Variants in DNAJC1 observed in about 807,000 individuals in gnomAD.
The protein encoded by DNAJC1 is DnaJ heat shock protein family (Hsp40) member C1.
In DNAJC1, 58 loss-of-function variants were observed where a neutral mutation model predicts 76.6. That is an observed-to-expected ratio of 0.76 (90% CI 0.61 to 0.94). DNAJC1 has a LOEUF of 0.94. Ranked by LOEUF, DNAJC1 falls within the 40% of genes least tolerant of loss-of-function variation. The pLI is 0.00. For missense variants in DNAJC1, 689 were observed against 677.3 expected (o/e 1.02, Z -0.19); for synonymous variants, 258 against 267.9 (o/e 0.96, Z 0.36).
At chr10:21,859,681 C>T (rs1835892344) in intron 8 of DNAJC1, among the ~76,000 whole-genome samples, 2 of 152,078 alleles carry the variant, frequency 1.3e-5, no homozygotes, top group Admixed American at 1.3e-4. Flanking sequence ...CATTCACTGC[C>T]ATGACATTTT....
chr10:21,772,273 T>TG (rs1053209120), intron 9 of DNAJC1, among the ~76,000 whole-genome samples: 1 of 147,284 alleles, frequency 6.8e-6, no homozygotes, highest in Non-Finnish European at 1.5e-5. Flanking sequence ...CCCCTCTTCT[T>TG]TTTTTTTTTT....
At chr10:21,990,300 T>A (rs1838307102) in intron 1 of DNAJC1, among the ~76,000 whole-genome samples, 1 of 152,170 alleles carries the variant, frequency 6.6e-6, no homozygotes, top group South Asian at 2.1e-4. Context: ...GTGGCTTGCA[T>A]CTTCTTTAGG....
At chr10:21,983,883 A>C (rs1248292015) in intron 1 of DNAJC1, among the ~76,000 whole-genome samples, 1 of 152,198 alleles carries the variant, frequency 6.6e-6, no homozygotes. Flanking sequence ...GAATGTACTT[A>C]GTGTCACTGG....
rs58289439 is a variant in DNAJC1, at chr10:21,852,092, T to TACAC, written c.978+30186_978+30189dup. On this transcript the variant is annotated intron_variant, in intron 8 of 11. Transcript: ENST00000376980. ...ATAAAAAAAATAAAAAATTGTGAGA[T>TACAC]ACACACACACACACACACACACACA... Among the ~76,000 whole-genome samples the TACAC allele has an allele frequency of 8.6e-3, 1,259 of 146,162 alleles. 11 individuals carry two copies. The highest frequency in any genetic ancestry group is 0.011 in the Middle Eastern group (3 of 284).
chr10:21,927,497 T>C (rs1354718714), intron 3 of DNAJC1, among the ~76,000 whole-genome samples: 2 of 152,200 alleles, frequency 1.3e-5, no homozygotes, highest in Non-Finnish European at 2.9e-5. Flanking sequence ...TTGTTTTGTT[T>C]TTTACAGGTA....
chr10:21,861,751 G>A (rs1356784587), intron 8 of DNAJC1, among the ~76,000 whole-genome samples: 6 of 148,342 alleles, frequency 4.0e-5, no homozygotes, highest in African/African-American at 4.9e-5. Context: ...CCATGGTAAC[G>A]TCAGGAAGTT....
intron 8 of DNAJC1, among the ~76,000 whole-genome samples, chr10:21,849,263 A>T (rs1412337852): frequency 1.6e-5 from 2 of 123,202 alleles, no homozygotes; most frequent in Non-Finnish European, 3.2e-5. Context: ...ACTGCACTCC[A>T]GGCTGGGTGA....
intron 9 of DNAJC1, chr10:21,785,211 C>G (rs1229069233): frequency 6.6e-6 from 1 of 152,242 alleles, no homozygotes; most frequent in Non-Finnish European, 1.5e-5. Flanking sequence ...ATTCTATCCT[C>G]TTAAGCTGCA....
chr10:21,929,424 A>C (rs1343703610), intron 1 of DNAJC1, among the ~76,000 whole-genome samples: 1 of 152,240 alleles, frequency 6.6e-6, no homozygotes, highest in African/African-American at 2.4e-5. Flanking sequence ...CCTTCCTAAA[A>C]TTAACCAATA....
chr10:21,980,452 T>C (rs1268748970), intron 1 of DNAJC1, among the ~76,000 whole-genome samples: 2 of 152,106 alleles, frequency 1.3e-5, no homozygotes, highest in African/African-American at 4.8e-5. Context: ...TGAGGAAATA[T>C]TAGACAAACC....
intron 8 of DNAJC1, among the ~76,000 whole-genome samples, chr10:21,813,171 T>C (rs1001440636): frequency 2.4e-4 from 15 of 62,044 alleles, no homozygotes; most frequent in Non-Finnish European, 1.1e-4. Context: ...TCTCTCTCTC[T>C]CTCCCTCTCT....
rs1024231856 is a variant in DNAJC1, at chr10:21,787,384, A to G, written c.1098+18596T>C. 5.9e-5 allele frequency among the ~76,000 whole-genome samples: 9 copies of G among 151,956 alleles called. No individual in the cohort carries two copies. The East Asian group carries it at 1.7e-3, about 29-fold the overall frequency. ...GAGGGGAAGGAGAGGAAGAGAAAAA[A>G]GAAGAAAGAAGAAAAGAAGGAAGAG... On this transcript the variant is annotated intron_variant, in intron 9 of 11. Coordinates refer to ENST00000376980, the MANE Select transcript of DNAJC1 (RefSeq NM_022365.4).
At chr10:21,862,883 G>A (rs1047787670) in intron 8 of DNAJC1, among the ~76,000 whole-genome samples, 2 of 151,972 alleles carry the variant, frequency 1.3e-5, no homozygotes, top group South Asian at 2.1e-4. Context: ...CTGTAATCCC[G>A]GTACTTTGGG....
chr10:21,936,657 C>T (rs1837317964), intron 1 of DNAJC1, among the ~76,000 whole-genome samples: 1 of 152,022 alleles, frequency 6.6e-6, no homozygotes, highest in South Asian at 2.1e-4. Flanking sequence ...TTCCTTTTTG[C>T]ATCTCACATT....
intron 5 of DNAJC1, 106 bp downstream of exon 5, chr10:21,919,726 A>G: frequency 1.4e-6 from 1 of 728,268 alleles, no homozygotes; most frequent in Non-Finnish European, 2.2e-6. Flanking sequence ...ACTACCACAG[A>G]TATAAATGAG....
At chr10:21,948,301 T>C (rs1837539151) in intron 1 of DNAJC1, among the ~76,000 whole-genome samples, 3 of 152,286 alleles carry the variant, frequency 2.0e-5, no homozygotes, top group Admixed American at 1.3e-4. Context: ...ATATGAATAT[T>C]TGAATTTCTG....
intron 6 of DNAJC1, among the ~76,000 whole-genome samples, chr10:21,914,797 T>C (rs754568371): frequency 1.3e-5 from 2 of 152,206 alleles, no homozygotes; most frequent in South Asian, 2.1e-4. Flanking sequence ...CCACCTAGTA[T>C]ACAAAGTGGG....
chr10:21,785,576 T>C (rs1374474718), intron 9 of DNAJC1: 2 of 152,226 alleles, frequency 1.3e-5, no homozygotes, highest in Non-Finnish European at 2.9e-5. Context: ...GAGATGGCTC[T>C]AGAATTCCTT....
At chr10:21,946,581 T>C (rs1430217790) in intron 1 of DNAJC1, among the ~76,000 whole-genome samples, 2 of 152,146 alleles carry the variant, frequency 1.3e-5, no homozygotes, top group African/African-American at 2.4e-5. Flanking sequence ...TAAACTACTA[T>C]AACCATTTGA....
Sources: allele counts gnomAD v4.1 joint callset (sites outside exome capture counted in the v4.1 genomes callset), GRCh38; gene constraint gnomAD v4.1.1; transcripts MANE v1.5; gene names NCBI Gene and HGNC (gene_info 2026-07-23, HGNC 2026-07-21).